The following PARG variants were observed in gnomAD, a reference collection of about 807,000 sequenced individuals.
PARG encodes mitochondrial poly(ADP-ribose) glycohydrolase.
PARG carries 35 observed loss-of-function variants against 113.0 expected under a neutral mutation model. The observed-to-expected ratio is 0.31, with a 90% CI of 0.24 to 0.41. The LOEUF (loss-of-function observed/expected upper bound fraction) is 0.41. Ranked by LOEUF, PARG falls within the 10% of genes least tolerant of loss-of-function variation. The pLI is 1.00. For missense variants in PARG, 797 were observed against 1,169.4 expected, an observed-to-expected ratio of 0.68 and a Z score of 4.64; for synonymous variants, 330 against 409.9, an observed-to-expected ratio of 0.81 and a Z score of 2.36.
chr10:49,857,009 C>CAAAAA (rs71270682), intron 13 of PARG, among the ~76,000 whole-genome samples: 2 of 74,620 alleles, frequency 2.7e-5, no homozygotes, highest in South Asian at 4.8e-4. Context: ...ACCTCTGTCT[C>CAAAAA]AAAAAAAAAA....
intron 1 of PARG, among the ~76,000 whole-genome samples, chr10:49,939,386 A>T (rs1263823861): frequency 6.6e-6 from 1 of 152,222 alleles, no homozygotes; most frequent in Admixed American, 6.5e-5. Context: ...CACAGACAAT[A>T]TAAGAATGCA....
chr10:49,884,998 A>G (rs1227648944), intron 8 of PARG, among the ~76,000 whole-genome samples: 1 of 148,060 alleles, frequency 6.8e-6, no homozygotes, highest in Admixed American at 6.8e-5. Flanking sequence ...CTACCCTCTA[A>G]CCTTTTCCTT....
chr10:49,868,300 T>C (rs754907792), intron 10 of PARG, among the ~76,000 whole-genome samples: 9 of 152,238 alleles, frequency 5.9e-5, no homozygotes, highest in Non-Finnish European at 1.0e-4. Context: ...CGTAGTCATC[T>C]TTTTAACAAG....
chr10:49,839,314 G>A (rs1360720022), intron 15 of PARG, among the ~76,000 whole-genome samples: 3 of 150,900 alleles, frequency 2.0e-5, no homozygotes, highest in Admixed American at 6.6e-5. Flanking sequence ...TCCAGCCAGG[G>A]CAACGAGTGA....
intron 9 of PARG, among the ~76,000 whole-genome samples, chr10:49,876,393 GA>G (rs1272966498): frequency 6.7e-6 from 1 of 149,676 alleles, no homozygotes; most frequent in East Asian, 2.1e-4. Flanking sequence ...GAGGTGGGAG[GA>G]TCTCTTGAGC....
intron 1 of PARG, among the ~76,000 whole-genome samples, chr10:49,940,907 A>G (rs1839014373): frequency 6.6e-6 from 1 of 151,882 alleles, no homozygotes; most frequent in Non-Finnish European, 1.5e-5. Context: ...TAAGCATCTC[A>G]TCTTCTGGAG....
rs1843908186 is a variant in PARG at position 49,818,555 on chromosome 10, A to C, written c.*785T>G. On this transcript the variant is annotated 3_prime_UTR_variant, in exon 18 of 18. Transcript: ENST00000616448. ...AAACATTAGTCCTAATTTAAAAAGA[A>C]AAAAGTACCAAGAAACAAAAAAAAT... 6.6e-6 allele frequency: 1 copy of C among 152,616 alleles called. No homozygotes were observed. Among genetic ancestry groups the C allele is most frequent in the African/African-American group, 2.4e-5 (1 of 41,452 alleles). The allele number at this position is 152,616 out of a possible 1,614,324, so 9.5% of individuals were successfully genotyped here.
intron 13 of PARG, among the ~76,000 whole-genome samples, chr10:49,854,379 TG>T (rs1845891095): frequency 6.6e-6 from 1 of 152,216 alleles, no homozygotes; most frequent in Non-Finnish European, 1.5e-5. Flanking sequence ...TTACAGGGAT[TG>T]TTTAACACTG....
intron 6 of PARG, among the ~76,000 whole-genome samples, chr10:49,916,367 C>T (rs1837472284): frequency 6.6e-6 from 1 of 152,054 alleles, no homozygotes; most frequent in African/African-American, 2.4e-5. Context: ...TATACACAGA[C>T]ATACACAGCA....
At chr10:49,832,022 C>T (rs930785730) in intron 16 of PARG, among the ~76,000 whole-genome samples, 6 of 152,196 alleles carry the variant, frequency 3.9e-5, no homozygotes, top group African/African-American at 7.2e-5. Flanking sequence ...CAATGCAGTA[C>T]ACCCAGGTGG....
chr10:49,891,425 A>C (rs1454321517), intron 7 of PARG, among the ~76,000 whole-genome samples: 5 of 151,398 alleles, frequency 3.3e-5, no homozygotes, highest in Non-Finnish European at 7.4e-5. Context: ...ACCTAGTTAG[A>C]TACTAATAAA....
chr10:49,899,069 C>A (rs1189689206), intron 7 of PARG, among the ~76,000 whole-genome samples: 1 of 152,220 alleles, frequency 6.6e-6, no homozygotes, highest in East Asian at 1.9e-4. Context: ...CACTTTCTAT[C>A]TGGATTAGCT....
chr10:49,914,171 A>G (rs1837341983), intron 7 of PARG, among the ~76,000 whole-genome samples: 1 of 152,252 alleles, frequency 6.6e-6, no homozygotes, highest in Non-Finnish European at 1.5e-5. Flanking sequence ...GAGGTATTGT[A>G]ACCAATGGCA....
intron 13 of PARG, among the ~76,000 whole-genome samples, chr10:49,844,122 G>A (rs1297824577): frequency 6.6e-6 from 1 of 151,830 alleles, no homozygotes; most frequent in Admixed American, 6.6e-5. Flanking sequence ...TCCAGCATGG[G>A]AGACAGAGCG....
intron 14 of PARG, 78 bp downstream of exon 14, chr10:49,843,476 A>G: frequency 2.5e-6 from 2 of 816,200 alleles, no homozygotes; most frequent in East Asian, 2.7e-5. Flanking sequence ...ACAAGTAGAC[A>G]GAATGAGAGT....
Position 49,841,964 on chromosome 10 carries a change from G to A in PARG, c.2527C>T (p.Arg843Cys), listed in dbSNP as rs948659889. The A allele has an allele frequency of 7.8e-6, 12 of 1,546,546 alleles. No individual in the cohort carries two copies. The highest frequency in any genetic ancestry group is 2.7e-5 in the African/African-American group (2 of 73,014). Residue 843 changes from arginine to cysteine, a missense_variant, in exon 15 of 18, where the codon CGC (arginine) becomes TGC (cysteine). Around this residue, in one of 5 missense-constraint regions of PARG, gnomAD observed 194 missense variants for 247.1 expected, o/e 0.79. Transcript: ENST00000616448. ...LDQFVPEKMR[R>C]ELNKAYCGFL... ...AGGTTACTGGCCTTGTTCAGCTCGC[G>A]TCTCATTTTCTCAGGCACAAACTGA...
In PARG at chr10:49,932,162, G is replaced by A. The variant is rs1345523587; in HGVS notation, c.1393C>T (p.Pro465Ser). ...GTPIEEMRRM[P>S]RCGIRLPLLR... Reference sequence around the variant, plus strand: ...AGAGGCAGCCGGATCCCACACCGAGGCATTCTTCTCATCTCCTCAATGGGA... The same window carrying A: ...AGAGGCAGCCGGATCCCACACCGAGACATTCTTCTCATCTCCTCAATGGGA... Residue 465 changes from proline to serine, a missense_variant, in exon 4 of 18, where the codon CCT becomes TCT. Pro to Ser is a moderately conservative substitution (Grantham distance 74, BLOSUM62 -1). Coordinates refer to ENST00000616448, the MANE Select transcript of PARG (RefSeq NM_003631.5). 1 of 1,606,514 alleles carries A rather than the reference G, an allele frequency of 6.2e-7. No individual in the cohort carries two copies. Among genetic ancestry groups the A allele is most frequent in the Admixed American group, 1.7e-5 (1 of 59,972 alleles).
chr10:49,895,481 G>A (rs1848036078), intron 7 of PARG, among the ~76,000 whole-genome samples: 1 of 151,392 alleles, frequency 6.6e-6, no homozygotes, highest in Non-Finnish European at 1.5e-5. Context: ...TCGGCTCACT[G>A]CAACCTCCGC....
intron 7 of PARG, among the ~76,000 whole-genome samples, chr10:49,903,974 G>A (rs562392567): frequency 4.6e-5 from 7 of 152,238 alleles, no homozygotes; most frequent in African/African-American, 1.7e-4. Flanking sequence ...CACAGGGGTC[G>A]ACTAGGTGAC....
Sources: gnomAD v4.1 joint callset for allele counts (sites outside exome capture counted in the v4.1 genomes callset) on GRCh38, gnomAD v4.1.1 for gene constraint, gnomAD v4.1.1 regional missense constraint, MANE v1.5 for transcripts, NCBI Gene and HGNC (gene_info 2026-07-23, HGNC 2026-07-21) for gene names.